Variants in IL1RAP observed in about 807,000 individuals in gnomAD.
The protein encoded by IL1RAP is interleukin-1 receptor accessory protein.
A neutral mutation model predicts 60.7 loss-of-function variants in IL1RAP; 35 were observed. That is an observed-to-expected ratio of 0.58 (90% CI 0.44 to 0.76). The LOEUF is 0.76. Ranked by LOEUF, IL1RAP falls within the 30% of genes least tolerant of loss-of-function variation. The pLI, the probability that IL1RAP is intolerant of heterozygous loss-of-function variation, is 0.00. For missense variants in IL1RAP, 572 were observed against 693.9 expected (o/e 0.82, Z 1.97); for synonymous variants, 268 against 250.9 (o/e 1.07, Z -0.64).
chr3:190,534,363 T>A (rs565553442), intron 1 of IL1RAP, among the ~76,000 whole-genome samples: 10 of 152,184 alleles, frequency 6.6e-5, no homozygotes, highest in Non-Finnish European at 1.5e-5. Flanking sequence ...TTTCATTCCT[T>A]GTAGAAAAGC....
At chr3:190,578,989 G>A (rs1727748521) in intron 3 of IL1RAP, among the ~76,000 whole-genome samples, 1 of 152,104 alleles carries the variant, frequency 6.6e-6, no homozygotes, top group African/African-American at 2.4e-5. Flanking sequence ...TTTGGGTGGG[G>A]ACACAGCCAA....
chr3:190,596,830 G>A (rs562253832), intron 3 of IL1RAP, among the ~76,000 whole-genome samples: 52 of 152,264 alleles, frequency 3.4e-4, no homozygotes, highest in African/African-American at 1.2e-3. Flanking sequence ...TGCCTGCAGT[G>A]AATCATATAA....
intron 3 of IL1RAP, among the ~76,000 whole-genome samples, chr3:190,580,758 T>C (rs1727927944): frequency 6.6e-6 from 1 of 152,224 alleles, no homozygotes; most frequent in Non-Finnish European, 1.5e-5. Flanking sequence ...CTGTATTGTA[T>C]ACTTAAGAAC....
At chr3:190,619,026 A>C (rs1346776539) in intron 5 of IL1RAP, among the ~76,000 whole-genome samples, 1 of 152,246 alleles carries the variant, frequency 6.6e-6, no homozygotes, top group African/African-American at 2.4e-5. Context: ...GAATAAAAAA[A>C]ATTGAAGTTA....
intron 1 of IL1RAP, among the ~76,000 whole-genome samples, chr3:190,540,311 CCTT>C (rs1257074678): frequency 7.2e-5 from 11 of 151,996 alleles, no homozygotes; most frequent in African/African-American, 2.4e-4. Context: ...CTCCCTTTGT[CCTT>C]CTGTTTTTTT....
chr3:190,573,305 C>G (rs1032957234), intron 3 of IL1RAP, among the ~76,000 whole-genome samples: 12 of 150,424 alleles, frequency 8.0e-5, no homozygotes, highest in African/African-American at 3.0e-4. Context: ...TTTATACGTT[C>G]TAAGGCAGAA....
Position 190,650,289 on chromosome 3 carries a change from A to G in IL1RAP, c.*1584A>G. Reference sequence around the variant, plus strand: ...TCCCTAAGTTTATATAAATAACTTAAGTATTGCTACAGTTTATCTAGGTTG... The same window carrying G: ...TCCCTAAGTTTATATAAATAACTTAGGTATTGCTACAGTTTATCTAGGTTG... On this transcript the variant is annotated 3_prime_UTR_variant, in exon 12 of 12. Coordinates refer to ENST00000447382, the MANE Select transcript of IL1RAP (RefSeq NM_002182.4). The G allele has an allele frequency of 1.0e-6, 1 of 985,160 alleles. No individual in the cohort carries two copies. The allele number at this position is 985,160 out of a possible 1,614,324, so 61.0% of individuals were successfully genotyped here.
At chr3:190,589,729 G>A (rs1046960357) in intron 3 of IL1RAP, among the ~76,000 whole-genome samples, 1 of 152,172 alleles carries the variant, frequency 6.6e-6, no homozygotes, top group Non-Finnish European at 1.5e-5. Flanking sequence ...TGAAGGCCCC[G>A]ATGTACTTTT....
rs764645567 is a variant in IL1RAP, at chr3:190,623,434, CT to C, written c.775+20del. The C allele has an allele frequency of 1.3e-6, 2 of 1,526,692 alleles. No individual in the cohort carries two copies. The highest frequency in any genetic ancestry group is 2.2e-5 in the South Asian group (2 of 88,922). The allele number at this position is 1,526,692 out of a possible 1,614,324, so 94.6% of individuals were successfully genotyped here. On this transcript the variant is annotated intron_variant, in intron 7 of 11. Coordinates refer to ENST00000447382, the MANE Select transcript of IL1RAP (RefSeq NM_002182.4). ...GAACCAGGTAATTACAGCTATGTCT[CT>C]GAATTTCACTTAGATTCTCTTAATT...
intron 9 of IL1RAP, among the ~76,000 whole-genome samples, chr3:190,630,541 A>G (rs1577781404): frequency 6.6e-6 from 1 of 152,242 alleles, no homozygotes; most frequent in East Asian, 1.9e-4. Flanking sequence ...GATGAAAAAC[A>G]GGATTCACCT....
chr3:190,632,222 T>C (rs556833949), intron 9 of IL1RAP, among the ~76,000 whole-genome samples: 2 of 152,348 alleles, frequency 1.3e-5, no homozygotes, highest in African/African-American at 4.8e-5. Flanking sequence ...CTAGCAATGT[T>C]CACAAATTCC....
At chr3:190,654,740 G>A (rs1734554169), downstream of IL1RAP, among the ~76,000 whole-genome samples, 1 of 152,338 alleles carries the variant, frequency 6.6e-6, no homozygotes, top group East Asian at 1.9e-4. Context: ...TGGACCAAAA[G>A]CAGAGGTGTT....
At chr3:190,586,183 A>AT (rs1243889505) in intron 3 of IL1RAP, among the ~76,000 whole-genome samples, 3 of 151,870 alleles carry the variant, frequency 2.0e-5, no homozygotes, top group African/African-American at 7.3e-5. Flanking sequence ...TTGCATCTTT[A>AT]TTTTTTCCTT....
At chr3:190,588,575 G>A (rs1440895002) in intron 3 of IL1RAP, among the ~76,000 whole-genome samples, 1 of 152,174 alleles carries the variant, frequency 6.6e-6, no homozygotes, top group Non-Finnish European at 1.5e-5. Context: ...CAAGATGTTT[G>A]TGTGTGTAGT....
intron 7 of IL1RAP, 139 bp from the exon 8 acceptor site, chr3:190,627,184 G>T (rs973109450): frequency 7.4e-6 from 5 of 674,186 alleles, no homozygotes; most frequent in Non-Finnish European, 9.8e-6. Context: ...CGTAGCTTCT[G>T]ATTAGCCAGA....
chr3:190,588,085 C>T (rs10513854), intron 3 of IL1RAP, among the ~76,000 whole-genome samples: 27,287 of 152,058 alleles, frequency 0.18, 2,675 homozygotes, highest in African/African-American at 0.25. Context: ...TCAAAGCATA[C>T]GGAGATAAAA....
At chr3:190,551,753 A>G (rs1189538293) in intron 1 of IL1RAP, among the ~76,000 whole-genome samples, 1 of 152,224 alleles carries the variant, frequency 6.6e-6, no homozygotes, top group Non-Finnish European at 1.5e-5. Flanking sequence ...CAATCTTTTG[A>G]AAAGGATTAA....
At chr3:190,527,814 T>C (rs1722642539) in intron 1 of IL1RAP, among the ~76,000 whole-genome samples, 1 of 143,330 alleles carries the variant, frequency 7.0e-6, no homozygotes, top group Non-Finnish European at 1.5e-5. Flanking sequence ...TAAATTATTT[T>C]AAGGAAAGGT....
intron 7 of IL1RAP, among the ~76,000 whole-genome samples, chr3:190,624,081 C>T (rs1310895178): frequency 6.6e-6 from 1 of 152,090 alleles, no homozygotes; most frequent in African/African-American, 2.4e-5. Context: ...AGGTGTTAAC[C>T]TAAATAACAA....
Sources: allele counts gnomAD v4.1 joint callset (sites outside exome capture counted in the v4.1 genomes callset), GRCh38; gene constraint gnomAD v4.1.1; transcripts MANE v1.5; gene names NCBI Gene and HGNC (gene_info 2026-07-23, HGNC 2026-07-21).